STK33: variants seen among roughly 807,000 people sequenced by gnomAD.
STK33 encodes the protein serine/threonine kinase 33, also known as serine/threonine-protein kinase 33.
Under a neutral mutation model 58.0 loss-of-function variants are expected in STK33, and 52 were observed. The ratio of observed to expected loss-of-function variants is 0.90; its 90% CI spans 0.72 to 1.13. STK33 has a LOEUF of 1.13. Ranked by LOEUF, STK33 falls within the 50% of genes most tolerant of loss-of-function variation. The pLI, the probability that STK33 is intolerant of heterozygous loss-of-function variation, is 0.00. For synonymous variants in STK33, 215 were observed against 200.1 expected, an observed-to-expected ratio of 1.07 and a Z score of -0.63; for missense variants, 630 against 604.2, an observed-to-expected ratio of 1.04 and a Z score of -0.45.
intron 1 of STK33, among the ~76,000 whole-genome samples, chr11:8,531,956 G>C (rs981911676): frequency 7.2e-5 from 11 of 152,188 alleles, no homozygotes; most frequent in Admixed American, 4.6e-4. Context: ...TGCCACAGAA[G>C]AGATAAGAAA....
chr11:8,380,832 C>G, the STK33 span, among the ~76,000 whole-genome samples: 1 of 152,168 alleles, frequency 6.6e-6, no homozygotes, highest in Non-Finnish European at 1.5e-5. Context: ...ACGGAACCAA[C>G]CTAAGTGCCC....
chr11:8,392,474 G>A lies in STK33; in HGVS notation c.*36C>T. 1 of 1,610,582 alleles carries A rather than the reference G, an allele frequency of 6.2e-7. No individual in the cohort carries two copies. Among genetic ancestry groups the A allele is most frequent in the Middle Eastern group, 1.8e-4 (1 of 5,650 alleles). On this transcript the variant is annotated 3_prime_UTR_variant, in exon 16 of 16. Transcript: ENST00000687296. Reference sequence around the variant, plus strand: ...CCTCATCAAAGTGCTAACAAGAGCAGCTTTGTTTTTGTACTGTCCAACACT... The same window carrying A: ...CCTCATCAAAGTGCTAACAAGAGCAACTTTGTTTTTGTACTGTCCAACACT...
At chr11:8,437,446 A>G (rs576833746) in intron 12 of STK33, among the ~76,000 whole-genome samples, 2 of 152,330 alleles carry the variant, frequency 1.3e-5, no homozygotes, top group South Asian at 4.1e-4. Context: ...TTGTCCAATG[A>G]CAACCAGACA....
At chr11:8,452,339 T>C (rs1222033745) in intron 11 of STK33, among the ~76,000 whole-genome samples, 1 of 152,192 alleles carries the variant, frequency 6.6e-6, no homozygotes, top group Non-Finnish European at 1.5e-5. Flanking sequence ...CAAAATTTTT[T>C]TAAATCTTTA....
rs139768063 is a variant in STK33, at chr11:8,512,948, T to C, written c.-465-32334A>G. On this transcript the variant is annotated intron_variant, in intron 1 of 15. Coordinates refer to ENST00000687296, the MANE Select transcript of STK33 (RefSeq NM_001352389.2). ...TTTAGCACTGAGTTGCTTTTCACAT[T>C]AGATTTCTCAAGGACTTACTATTGT... Among the ~76,000 whole-genome samples, 362 of 152,298 alleles carry C rather than the reference T, an allele frequency of 2.4e-3. 1 individual carries two copies. The highest frequency in any genetic ancestry group is 4.2e-3 in the Non-Finnish European group (285 of 68,016).
chr11:8,422,470 C>A (rs1446917566), intron 14 of STK33, among the ~76,000 whole-genome samples: 1 of 151,960 alleles, frequency 6.6e-6, no homozygotes, highest in Admixed American at 6.6e-5. Flanking sequence ...AAGGTATAGT[C>A]TTAGGATAAA....
intron 1 of STK33, among the ~76,000 whole-genome samples, chr11:8,493,174 A>T (rs1950771352): frequency 6.6e-6 from 1 of 152,148 alleles, no homozygotes; most frequent in African/African-American, 2.4e-5. Flanking sequence ...TTTTTTGAAA[A>T]GATCAACACA....
At chr11:8,383,477 A>G in the STK33 span, among the ~76,000 whole-genome samples, 3 of 152,216 alleles carry the variant, frequency 2.0e-5, no homozygotes, top group African/African-American at 7.2e-5. Context: ...CTGTGGGTGC[A>G]GCTTCTGCAC....
intron 1 of STK33, among the ~76,000 whole-genome samples, chr11:8,504,726 A>C (rs1296174410): frequency 6.6e-6 from 1 of 152,150 alleles, no homozygotes; most frequent in Non-Finnish European, 1.5e-5. Context: ...TGAGCCCAGG[A>C]GTTCGAGGCT....
intron 1 of STK33, among the ~76,000 whole-genome samples, chr11:8,509,798 T>C (rs939839407): frequency 3.9e-5 from 6 of 152,220 alleles, no homozygotes; most frequent in African/African-American, 1.4e-4. Flanking sequence ...GTTAGAATAA[T>C]GGCCTCTAGA....
At chr11:8,524,855 ATAATAG>A (rs1953890501) in intron 1 of STK33, among the ~76,000 whole-genome samples, 1 of 151,788 alleles carries the variant, frequency 6.6e-6, no homozygotes, top group Non-Finnish European at 1.5e-5. Context: ...AAAAATAATA[ATAATAG>A]TAATAATAAA....
intron 2 of STK33, among the ~76,000 whole-genome samples, chr11:8,480,094 A>G (rs1260006905): frequency 6.6e-6 from 1 of 152,182 alleles, no homozygotes; most frequent in African/African-American, 2.4e-5. Flanking sequence ...ACATTTCTGA[A>G]GAGGATTAGG....
At chr11:8,494,002 G>C (rs1950852882) in intron 1 of STK33, among the ~76,000 whole-genome samples, 1 of 152,252 alleles carries the variant, frequency 6.6e-6, no homozygotes, top group Admixed American at 6.5e-5. Context: ...TACTGAATGG[G>C]CAAAAACTGG....
At chr11:8,515,858 A>G (rs1393265965) in intron 1 of STK33, among the ~76,000 whole-genome samples, 2 of 152,244 alleles carry the variant, frequency 1.3e-5, no homozygotes, top group African/African-American at 2.4e-5. Context: ...AATAAAGACC[A>G]TATATGAAAA....
chr11:8,430,151 T>A (rs1480202040), intron 14 of STK33, among the ~76,000 whole-genome samples: 1 of 152,188 alleles, frequency 6.6e-6, no homozygotes, highest in Non-Finnish European at 1.5e-5. Context: ...AACCTTCCTT[T>A]TCAACATAAT....
At chr11:8,369,295 C>CTGTGTGTG in the STK33 span, among the ~76,000 whole-genome samples, 6,944 of 137,632 alleles carry the variant, frequency 0.05, 235 homozygotes, top group Middle Eastern at 0.16. Flanking sequence ...GGTTTTTACT[C>CTGTGTGTG]TGTGTGTGTG....
intron 15 of STK33, among the ~76,000 whole-genome samples, chr11:8,398,672 G>T (rs1401757584): frequency 6.6e-6 from 1 of 152,066 alleles, no homozygotes; most frequent in Non-Finnish European, 1.5e-5. Context: ...CTGGCAAATT[G>T]GATAAAGAGT....
intron 15 of STK33, among the ~76,000 whole-genome samples, chr11:8,399,784 GA>G (rs1410755382): frequency 6.6e-6 from 1 of 152,034 alleles, no homozygotes; most frequent in African/African-American, 2.4e-5. Context: ...TGATAAAGGG[GA>G]TATCACCACC....
chr11:8,465,436 A>G (rs1948062779), intron 6 of STK33: 1 of 152,198 alleles, frequency 6.6e-6, no homozygotes, highest in Non-Finnish European at 1.5e-5. Flanking sequence ...CCAAGAATCC[A>G]TCCTCTTATC....
Sources: gnomAD v4.1 joint callset for allele counts (sites outside exome capture counted in the v4.1 genomes callset) on GRCh38, gnomAD v4.1.1 for gene constraint, MANE v1.5 for transcripts, NCBI Gene and HGNC (gene_info 2026-07-23, HGNC 2026-07-21) for gene names.